The following FAF1 variants were observed in gnomAD, a reference collection of about 807,000 sequenced individuals.
The protein encoded by FAF1 is FAS-associated factor 1.
FAF1 carries 25 observed loss-of-function variants against 92.5 expected under a neutral mutation model. That is an observed-to-expected ratio of 0.27 (90% confidence interval 0.20 to 0.38). The LOEUF is 0.38. Among genes scored for constraint, FAF1 ranks in the 10% least tolerant of loss-of-function variants. FAF1 has a pLI of 1.00. For synonymous variants in FAF1, 234 were observed against 273.2 expected, an observed-to-expected ratio of 0.86 and a Z score of 1.42; for missense variants, 636 against 793.3, an observed-to-expected ratio of 0.80 and a Z score of 2.38.
Position 50,770,652 on chromosome 1 carries a change from A to G in FAF1, c.367+17348T>C, listed in dbSNP as rs953820945. ...CATTTCATGCTCAATAGGAAGCATG[A>G]ATATTATGAAAATGGCCATACTGCC... is the stretch of plus-strand genomic sequence containing the variant. On this transcript the variant is annotated intron_variant, in intron 4 of 18. Coordinates refer to ENST00000396153, the MANE Select transcript of FAF1 (RefSeq NM_007051.3). Among the ~76,000 whole-genome samples the G allele has an allele frequency of 3.5e-4, 54 of 152,268 alleles. 1 individual carries two copies. Among genetic ancestry groups the G allele is most frequent in the African/African-American group, 1.3e-3 (54 of 41,474 alleles).
intron 2 of FAF1, among the ~76,000 whole-genome samples, chr1:50,807,054 A>C (rs1557537079): frequency 6.6e-6 from 1 of 152,228 alleles, no homozygotes. Context: ...GAATGGCTGA[A>C]ACGAAAGAAA....
At chr1:50,443,056 C>T (rs1013101107) in intron 18 of FAF1, among the ~76,000 whole-genome samples, 1 of 152,204 alleles carries the variant, frequency 6.6e-6, no homozygotes, top group African/African-American at 2.4e-5. Context: ...CTTCTGTCAA[C>T]AAACAGAGCT....
intron 1 of FAF1, among the ~76,000 whole-genome samples, chr1:50,950,528 G>C (rs927175649): frequency 7.2e-5 from 11 of 152,188 alleles, no homozygotes; most frequent in Non-Finnish European, 1.5e-5. Flanking sequence ...AACGGGTATG[G>C]CTGTGTTGCA....
At chr1:50,499,434 T>G (rs1646953062) in intron 15 of FAF1, among the ~76,000 whole-genome samples, 1 of 151,920 alleles carries the variant, frequency 6.6e-6, no homozygotes, top group Non-Finnish European at 1.5e-5. Context: ...GATTCCTATT[T>G]TACTGGAAAT....
chr1:50,558,251 T>C (rs527681260), intron 13 of FAF1, among the ~76,000 whole-genome samples: 2 of 152,048 alleles, frequency 1.3e-5, no homozygotes, highest in African/African-American at 4.8e-5. Flanking sequence ...GAATAAGATA[T>C]TTATCTTATT....
intron 1 of FAF1, among the ~76,000 whole-genome samples, chr1:50,860,052 T>C (rs1644419856): frequency 6.6e-6 from 1 of 151,926 alleles, no homozygotes; most frequent in African/African-American, 2.4e-5. Flanking sequence ...TGGCTACCCA[T>C]GTACAGAAGA....
intron 17 of FAF1, among the ~76,000 whole-genome samples, chr1:50,481,894 G>A (rs1482956194): frequency 6.6e-6 from 1 of 152,134 alleles, no homozygotes; most frequent in Non-Finnish European, 1.5e-5. Context: ...GGAATGGAAT[G>A]AGCAAGGGGA....
chr1:50,774,756 T>TC, intron 4 of FAF1, among the ~76,000 whole-genome samples: 1 of 152,074 alleles, frequency 6.6e-6, no homozygotes, highest in Non-Finnish European at 1.5e-5. Flanking sequence ...ATCTTAGAGA[T>TC]CTAACAATAT....
chr1:50,926,120 G>C (rs1443761923), intron 1 of FAF1, among the ~76,000 whole-genome samples: 1 of 152,140 alleles, frequency 6.6e-6, no homozygotes, highest in Non-Finnish European at 1.5e-5. Flanking sequence ...GGGAGACTGA[G>C]GGGGGAGGAT....
rs577333821 is a variant in FAF1 at position 50,955,959 on chromosome 1, A to G, written c.45+3808T>C. ...AGAAGAGTCGAATTCAGAGATAGAA[A>G]GTAGGATGGTGGTTGCCAGGGGCTG... On this transcript the variant is annotated intron_variant, in intron 1 of 18. Coordinates refer to ENST00000396153, the MANE Select transcript of FAF1 (RefSeq NM_007051.3). Among the ~76,000 whole-genome samples the G allele has an allele frequency of 3.3e-5, 5 of 152,310 alleles. No homozygotes were observed. In the South Asian group the frequency reaches 1.0e-3, roughly 32 times the overall value.
chr1:50,755,300 G>T (rs1188573965), intron 4 of FAF1, among the ~76,000 whole-genome samples: 1 of 152,138 alleles, frequency 6.6e-6, no homozygotes, highest in Non-Finnish European at 1.5e-5. Context: ...AGGGCTAAAG[G>T]CTCCATGAAA....
rs537801580 is a variant in FAF1, at chr1:50,831,612, G to C, written c.114+26317C>G. Among the ~76,000 whole-genome samples, 7 of 152,278 alleles carry C rather than the reference G, an allele frequency of 4.6e-5. No individual in the cohort carries two copies. The East Asian group carries it at 5.8e-4, about 13-fold the overall frequency. ...GAGAAAACAAGACCCCTACTAATAA[G>C]AGTTTTATCTAATTGCTAGTAGCTT... On this transcript the variant is annotated intron_variant, in intron 2 of 18. Transcript: ENST00000396153.
chr1:50,692,209 A>C (rs907073757), intron 7 of FAF1, among the ~76,000 whole-genome samples: 26 of 145,792 alleles, frequency 1.8e-4, no homozygotes, highest in African/African-American at 6.0e-4. Flanking sequence ...AAACAACAAC[A>C]ACCCCCACAT....
intron 1 of FAF1, among the ~76,000 whole-genome samples, chr1:50,930,936 T>A (rs1425687958): frequency 6.6e-6 from 1 of 152,254 alleles, no homozygotes; most frequent in Non-Finnish European, 1.5e-5. Flanking sequence ...TTAGTAATAC[T>A]CCTTAACTTG....
intron 6 of FAF1, among the ~76,000 whole-genome samples, chr1:50,717,986 C>CATTT (rs1557491367): frequency 2.8e-5 from 4 of 143,616 alleles, no homozygotes; most frequent in Non-Finnish European, 4.5e-5. Flanking sequence ...AAAATACAAT[C>CATTT]CTTTATTTAT....
At chr1:50,449,496 T>C (rs933424629) in intron 18 of FAF1, among the ~76,000 whole-genome samples, 10 of 149,462 alleles carry the variant, frequency 6.7e-5, no homozygotes, top group African/African-American at 2.5e-4. Context: ...TTTCTTTTTT[T>C]TTTTTTTTTT....
rs1467174149 is a variant in FAF1 at position 50,922,788 on chromosome 1, C to T, written c.45+36979G>A. Among the ~76,000 whole-genome samples, 5 of 137,130 alleles carry T rather than the reference C, an allele frequency of 3.6e-5. No homozygotes were observed. In the Admixed American group the frequency reaches 4.0e-4, roughly 11 times the overall value. The allele number at this position is 137,130 out of a possible 152,430, so 90.0% of individuals were successfully genotyped here. On this transcript the variant is annotated intron_variant, in intron 1 of 18. Transcript: ENST00000396153. The stretch of plus-strand genomic sequence containing the variant: ...GAGCCAAGATCACGCCATTGCACTC[C>T]AGCCCAGGCAACAGTGCGAGAATCC...
intron 18 of FAF1, chr1:50,452,206 A>C: frequency 1.6e-6 from 2 of 1,274,822 alleles, no homozygotes; most frequent in Non-Finnish European, 2.1e-6. Flanking sequence ...GGAAGACATA[A>C]TTTCAAGCAA....
At chr1:50,588,891 G>C (rs772543404) in intron 9 of FAF1, among the ~76,000 whole-genome samples, 1 of 152,222 alleles carries the variant, frequency 6.6e-6, no homozygotes, top group African/African-American at 2.4e-5. Context: ...ATGCACTGGG[G>C]TAAGTGCTGG....
Sources: gnomAD v4.1 joint callset for allele counts (sites outside exome capture counted in the v4.1 genomes callset) on GRCh38, gnomAD v4.1.1 for gene constraint, MANE v1.5 for transcripts, NCBI Gene and HGNC (gene_info 2026-07-23, HGNC 2026-07-21) for gene names.